The following NAP1L1 variants were observed in gnomAD, a reference collection of about 807,000 sequenced individuals.
The protein encoded by NAP1L1 is nucleosome assembly protein 1 like 1, also known as nucleosome assembly protein 1-like 1.
In NAP1L1, 9 loss-of-function variants were observed where a neutral mutation model predicts 58.9. The observed-to-expected ratio is 0.15, with a 90% CI of 0.09 to 0.27. The LOEUF is 0.27. Among genes scored for constraint, NAP1L1 ranks in the 10% least tolerant of loss-of-function variants. The pLI, the probability that NAP1L1 is intolerant of heterozygous loss-of-function variation, is 1.00. For synonymous variants in NAP1L1, 130 were observed against 138.3 expected (o/e 0.94, Z 0.42); for missense variants, 302 against 458.8 (o/e 0.66, Z 3.12).
chr12:76,058,356 T>G (rs1373625853), intron 6 of NAP1L1, among the ~76,000 whole-genome samples: 3 of 151,080 alleles, frequency 2.0e-5, no homozygotes, highest in African/African-American at 7.3e-5. Context: ...GAACAGAATT[T>G]AGTCAAATAA....
chr12:76,048,730 G>A (rs1295162046), intron 14 of NAP1L1, among the ~76,000 whole-genome samples: 1 of 151,874 alleles, frequency 6.6e-6, no homozygotes, highest in Non-Finnish European at 1.5e-5. Context: ...AGCAATTTAT[G>A]TTAGTTATAT....
rs1164769817 is a variant in NAP1L1, at chr12:76,056,165, G to A, written c.430-4C>T. Reference sequence around the variant, plus strand: ...TGGCCTTTTCTTTCAATTCCTCCTTGATTAAGTGACAGCAAACATTATTTA... The same window carrying A: ...TGGCCTTTTCTTTCAATTCCTCCTTAATTAAGTGACAGCAAACATTATTTA... On this transcript the variant is annotated splice_region_variant and splice_polypyrimidine_tract_variant and intron_variant, in intron 6 of 14. Transcript: ENST00000618691. 2 of 1,607,786 alleles carry A rather than the reference G, an allele frequency of 1.2e-6. No individual in the cohort carries two copies. The highest frequency in any genetic ancestry group is 1.7e-5 in the Admixed American group (1 of 58,434).
chr12:76,054,503 A>G (rs1165183186), intron 8 of NAP1L1, among the ~76,000 whole-genome samples: 1 of 152,266 alleles, frequency 6.6e-6, no homozygotes, highest in Admixed American at 6.5e-5. Context: ...ATTCCTGAAT[A>G]AAGTGACCAT....
chr12:76,080,780 A>C (rs1411128276), intron 1 of NAP1L1, among the ~76,000 whole-genome samples: 1 of 152,216 alleles, frequency 6.6e-6, no homozygotes, highest in Non-Finnish European at 1.5e-5. Context: ...TTGAAATTTA[A>C]TCCCCTATGT....
intron 7 of NAP1L1, 126 bp from the exon 8 acceptor site, chr12:76,055,216 C>T (rs1478383386): frequency 1.1e-5 from 6 of 563,672 alleles, no homozygotes; most frequent in Non-Finnish European, 1.8e-5. Context: ...CAATTATGAA[C>T]CTTAAGACTT....
intron 11 of NAP1L1, among the ~76,000 whole-genome samples, chr12:76,052,098 G>A (rs1396629944): frequency 6.6e-6 from 1 of 151,970 alleles, no homozygotes; most frequent in Non-Finnish European, 1.5e-5. Flanking sequence ...ACTAAACAAT[G>A]AGCACACCCT....
chr12:76,048,921 CTG>C, intron 14 of NAP1L1: 1 of 476,332 alleles, frequency 2.1e-6, no homozygotes, highest in Non-Finnish European at 3.7e-6. Context: ...TGCTTAAAAA[CTG>C]TTACAAATCG....
intron 6 of NAP1L1, chr12:76,057,819 A>T: frequency 6.5e-7 from 1 of 1,546,298 alleles, no homozygotes. Context: ...AGGAGAAGAA[A>T]AAACAGAAGA....
rs1308229556 is a variant in NAP1L1 at position 76,067,387 on chromosome 12, T to C, written c.190A>G (p.Thr64Ala). The change falls in exon 4 of 15, where the codon ACA becomes GCA. Residue 64 changes from threonine (T) to alanine (A), a missense_variant. Coordinates refer to ENST00000618691, the MANE Select transcript of NAP1L1 (RefSeq NM_004537.7). ...ERLDGLVETP[T>A]GYIESLPRVV... ...AAGCTGTACCTTTCAATGTATCCTGTTGGTGTTTCTACCAGACCATCAAGT... is the reference window on the plus strand; with the variant it reads ...AAGCTGTACCTTTCAATGTATCCTGCTGGTGTTTCTACCAGACCATCAAGT... 6 of 1,609,338 alleles carry C rather than the reference T, an allele frequency of 3.7e-6. No individual in the cohort carries two copies. Among genetic ancestry groups the C allele is most frequent in the Admixed American group, 1.7e-5 (1 of 59,974 alleles).
At position 76,046,340 on chromosome 12, in the gene NAP1L1, T is replaced by C. The variant is rs976205084; in HGVS notation, c.*2089A>G. 2.0e-5 allele frequency: 3 copies of C among 152,426 alleles called. No homozygotes were observed. Among genetic ancestry groups the C allele is most frequent in the African/African-American group, 7.2e-5 (3 of 41,434 alleles). 9.4% of individuals were successfully genotyped at this position (152,426 alleles called of 1,614,324 possible). A position where few individuals can be genotyped will look rare whatever the true frequency, so the allele number is the denominator to read the frequency against. On this transcript the variant is annotated 3_prime_UTR_variant, in exon 15 of 15. Coordinates refer to ENST00000618691, the MANE Select transcript of NAP1L1 (RefSeq NM_004537.7). ...TCTTCTGCAAACCACATCCCCTTTA[T>C]GTAACAAGACTAGGTATTATCTACA...
At chr12:76,048,795 A>C (rs1948692890) in intron 14 of NAP1L1, among the ~76,000 whole-genome samples, 1 of 152,148 alleles carries the variant, frequency 6.6e-6, no homozygotes, top group Non-Finnish European at 1.5e-5. Flanking sequence ...CAGGAATAAT[A>C]GACTAGGACT....
intron 1 of NAP1L1, among the ~76,000 whole-genome samples, chr12:76,079,405 C>CA (rs1379044272): frequency 2.0e-5 from 3 of 152,058 alleles, no homozygotes; most frequent in Non-Finnish European, 2.9e-5. Flanking sequence ...GAGACTGAGG[C>CA]AGGAAGATCA....
chr12:76,077,980 C>CAAAAAAAAAAA (rs58558132), intron 1 of NAP1L1, among the ~76,000 whole-genome samples: 1 of 65,952 alleles, frequency 1.5e-5, no homozygotes, highest in Non-Finnish European at 2.7e-5. Context: ...GACCCTGTCT[C>CAAAAAAAAAAA]AAAAAAAAAA....
rs561129547 is a variant in NAP1L1, at chr12:76,036,918, CA to C, written c.*11510del. On this transcript the variant is annotated 3_prime_UTR_variant, in exon 15 of 15. Transcript: ENST00000618691. ...TGAAACCCCGTCTCTACTAAAAATA[CA>C]AAAAAAAAAAAAACCCACAGCGCCT... 2.6e-3 allele frequency: 307 copies of C among 118,928 alleles called. No homozygotes were observed. Among genetic ancestry groups the C allele is most frequent in the African/African-American group, 4.9e-3 (164 of 33,772 alleles). 7.4% of individuals were successfully genotyped at this position (118,928 alleles called of 1,614,324 possible).
At chr12:76,077,029 A>C (rs993221121) in intron 1 of NAP1L1, among the ~76,000 whole-genome samples, 17 of 152,236 alleles carry the variant, frequency 1.1e-4, no homozygotes, top group Non-Finnish European at 2.2e-4. Flanking sequence ...GCTAGGTTTA[A>C]TATATAGTGT....
At position 76,055,006 on chromosome 12, in the gene NAP1L1, A is replaced by T; in HGVS notation, c.630+13T>A. The T allele has an allele frequency of 1.9e-6, 3 of 1,578,116 alleles. No individual in the cohort carries two copies. Among genetic ancestry groups the T allele is most frequent in the Non-Finnish European group, 2.6e-6 (3 of 1,161,492 alleles). On this transcript the variant is annotated intron_variant, in intron 8 of 14. Transcript: ENST00000618691. ...CATGTTACAAAATTATAAATATTTCAAAGTTCTTTTACCATAGGCTGGCCA... is the reference window on the plus strand; with the variant it reads ...CATGTTACAAAATTATAAATATTTCTAAGTTCTTTTACCATAGGCTGGCCA...
At chr12:76,067,707 G>A (rs1000323627) in intron 3 of NAP1L1, 2 of 393,716 alleles carry the variant, frequency 5.1e-6, no homozygotes, top group Non-Finnish European at 9.4e-6. Flanking sequence ...CAAGGCCACT[G>A]CCACAACTAT....
Position 76,049,746 on chromosome 12 carries a change from T to G in NAP1L1, c.1089+10A>C, listed in dbSNP as rs768269462. 20 of 1,612,530 alleles carry G rather than the reference T, an allele frequency of 1.2e-5. No homozygotes were observed. Among genetic ancestry groups the G allele is most frequent in the Middle Eastern group, 1.7e-4 (1 of 6,028 alleles). ...CACAGAGAATTATTTGCTCATTTGG[T>G]AAACATTACCTCATCCGCTTCTTCA... is the stretch of plus-strand genomic sequence containing the variant. On this transcript the variant is annotated intron_variant, in intron 13 of 14. Transcript: ENST00000618691.
chr12:76,060,058 T>C (rs1844091736), intron 5 of NAP1L1, 80 bp downstream of exon 5: 10 of 1,451,908 alleles, frequency 6.9e-6, no homozygotes, highest in Non-Finnish European at 9.4e-6. Flanking sequence ...TTCTAAAGAT[T>C]AACCTCTTCC....
Sources: gnomAD v4.1 joint callset for allele counts (sites outside exome capture counted in the v4.1 genomes callset) on GRCh38, gnomAD v4.1.1 for gene constraint, MANE v1.5 for transcripts, NCBI Gene and HGNC (gene_info 2026-07-23, HGNC 2026-07-21) for gene names.